FNBP4: variants seen among roughly 807,000 people sequenced by gnomAD.
FNBP4 encodes formin-binding protein 4.
In FNBP4, 34 loss-of-function variants were observed where a neutral mutation model predicts 119.3. The ratio of observed to expected loss-of-function variants is 0.28; its 90% confidence interval spans 0.22 to 0.38. FNBP4 has a LOEUF of 0.38. Among genes scored for constraint, FNBP4 ranks in the 10% least tolerant of loss-of-function variants. FNBP4 has a pLI of 1.00. For synonymous variants in FNBP4, 462 were observed against 430.6 expected (o/e 1.07, Z -0.90); for missense variants, 1,112 against 1,228.9 (o/e 0.90, Z 1.42).
chr11:47,751,174 G>A lies in FNBP4; in HGVS notation c.754C>T (p.Gln252Ter). 1 of 1,614,082 alleles carries A rather than the reference G, an allele frequency of 6.2e-7. No homozygotes were observed. The highest frequency in any genetic ancestry group is 2.2e-5 in the East Asian group (1 of 44,888). ...TWELPQYLATQVQGLQHYQPS... is the reference protein window; with the variant it reads ...TWELPQYLAT The stretch of plus-strand genomic sequence containing the variant: ...TGGTAATGCTGTAATCCCTGTACCT[G>A]TGTGGCAAGATATTGGGGTAACTCC... The change falls in exon 5 of 17, where the codon CAG becomes TAG. Residue 252 changes from glutamine (Q) to a stop codon, truncating the protein, a stop_gained. Transcript: ENST00000263773. LOFTEE classifies it high-confidence loss of function.
intron 6 of FNBP4, among the ~76,000 whole-genome samples, chr11:47,750,656 T>G (rs60833259): frequency 0.59 from 78,672 of 133,390 alleles, 22,961 homozygotes; most frequent in Admixed American, 0.68. Context: ...ACCACTGTAC[T>G]CCAGCCTGGG....
intron 6 of FNBP4, among the ~76,000 whole-genome samples, chr11:47,748,658 AT>A (rs1034721421): frequency 8.5e-4 from 128 of 150,836 alleles, no homozygotes; most frequent in African/African-American, 3.1e-3. Flanking sequence ...TTATTATTAA[AT>A]TTTTTTTTGA....
intron 16 of FNBP4, among the ~76,000 whole-genome samples, chr11:47,719,045 C>T (rs1035090306): frequency 7.2e-5 from 11 of 152,122 alleles, no homozygotes; most frequent in African/African-American, 2.7e-4. Context: ...CATTCGCCAC[C>T]AGGCCCAGCT....
At chr11:47,763,191 T>G (rs1373612228) in intron 2 of FNBP4, among the ~76,000 whole-genome samples, 1 of 152,014 alleles carries the variant, frequency 6.6e-6, no homozygotes, top group Non-Finnish European at 1.5e-5. Context: ...AGGCTGGGCG[T>G]GGTGGCTCAG....
At chr11:47,759,896 T>C (rs1006582630) in intron 2 of FNBP4, among the ~76,000 whole-genome samples, 98 of 152,272 alleles carry the variant, frequency 6.4e-4, no homozygotes, top group African/African-American at 2.2e-3. Context: ...GTGGTTACAG[T>C]GAGCCGAGGC....
intron 4 of FNBP4, among the ~76,000 whole-genome samples, chr11:47,751,505 C>T (rs1313445872): frequency 6.6e-6 from 1 of 151,970 alleles, no homozygotes; most frequent in Non-Finnish European, 1.5e-5. Flanking sequence ...TCCACCCTGC[C>T]TCCTACATTG....
intron 15 of FNBP4, among the ~76,000 whole-genome samples, chr11:47,721,732 C>T: frequency 6.6e-6 from 1 of 151,824 alleles, no homozygotes; most frequent in Non-Finnish European, 1.5e-5. Context: ...TGCCCCTTTT[C>T]TTGAGACTCC....
intron 15 of FNBP4, among the ~76,000 whole-genome samples, chr11:47,722,252 TC>T (rs200705660): frequency 6.0e-4 from 3 of 5,020 alleles, no homozygotes; most frequent in Non-Finnish European, 1.4e-3. Flanking sequence ...TCCCCGTTTT[TC>T]TTTTTTTTTT....
chr11:47,746,441 C>G (rs776273341), intron 6 of FNBP4, 47 bp from the exon 7 acceptor site: 48 of 1,428,666 alleles, frequency 3.4e-5, no homozygotes, highest in Admixed American at 2.1e-4. Flanking sequence ...TGAAACAAAT[C>G]TCACCTGCAC....
chr11:47,752,979 T>C lies in FNBP4; in HGVS notation c.574A>G (p.Asn192Asp), dbSNP rs560206264. Reference protein sequence around the residue: ...ATSTLSSSTSNGTDSTQTSGW... With the variant: ...ATSTLSSSTSDGTDSTQTSGW... Reference sequence around the variant, plus strand: ...GATGTTTGGGTGGAGTCTGTTCCATTTGAAGTAGAAGAAGAAAGGGTAGAT... The same window carrying C: ...GATGTTTGGGTGGAGTCTGTTCCATCTGAAGTAGAAGAAGAAAGGGTAGAT... The change falls in exon 4 of 17, where the codon AAT (asparagine) becomes GAT (aspartate). Residue 192 changes from asparagine to aspartate, a missense_variant. Around this residue, in one of 2 missense-constraint regions of FNBP4, gnomAD observed 826 missense variants for 988.8 expected, o/e 0.84. Transcript: ENST00000263773. The C allele has an allele frequency of 6.2e-6, 10 of 1,614,122 alleles. No homozygotes were observed. In the South Asian group the frequency reaches 7.7e-5, roughly 12 times the overall value.
Position 47,754,616 on chromosome 11 carries a change from T to C in FNBP4, c.362A>G (p.Asn121Ser), listed in dbSNP as rs745468284. The C allele has an allele frequency of 1.2e-6, 2 of 1,614,098 alleles. No individual in the cohort carries two copies. The highest frequency in any genetic ancestry group is 1.6e-4 in the Middle Eastern group (1 of 6,062). ...GAYADSDDDD[N>S]DVSEKLAQSK... ...TTGTGCTAGTTTTTCGGAAACATCATTGTCATCGTCATCACTGTCAGCATA... is the reference window on the plus strand; with the variant it reads ...TTGTGCTAGTTTTTCGGAAACATCACTGTCATCGTCATCACTGTCAGCATA... The change falls in exon 3 of 17, where the codon AAT (asparagine) becomes AGT (serine). Residue 121 changes from asparagine to serine, a missense_variant. This residue lies in a region of FNBP4 where 286 missense variants were observed against 240.1 expected (regional missense o/e 1.19). Transcript: ENST00000263773.
At chr11:47,739,527 G>A (rs2097578801) in intron 8 of FNBP4, among the ~76,000 whole-genome samples, 1 of 152,048 alleles carries the variant, frequency 6.6e-6, no homozygotes, top group Non-Finnish European at 1.5e-5. Flanking sequence ...ATACCACTAG[G>A]AATCTTTACT....
chr11:47,767,305 A>G lies in FNBP4; in HGVS notation c.-17T>C. On this transcript the variant is annotated 5_prime_UTR_variant, in exon 1 of 17. Coordinates refer to ENST00000263773, the MANE Select transcript of FNBP4 (RefSeq NM_015308.5). ...CTTCCCCATCGCGAGCCCAAGCGCG[A>G]GCAGAGAGCGTCGGGCGGCCGAGAG... The G allele has an allele frequency of 1.3e-6, 2 of 1,482,590 alleles. No individual in the cohort carries two copies. Among genetic ancestry groups the G allele is most frequent in the Non-Finnish European group, 1.8e-6 (2 of 1,122,918 alleles). The allele number at this position is 1,482,590 out of a possible 1,614,324, so 91.8% of individuals were successfully genotyped here.
In FNBP4 at chr11:47,732,407, C is replaced by T. The variant is rs745363497; in HGVS notation, c.1820+130G>A. The T allele has an allele frequency of 3.1e-5, 47 of 1,520,740 alleles. No individual in the cohort carries two copies. The highest frequency in any genetic ancestry group is 4.0e-5 in the Non-Finnish European group (45 of 1,136,206). 94.2% of individuals were successfully genotyped at this position (1,520,740 alleles called of 1,614,324 possible). ...CAAACTTTGTGCTTGCGGTGCTTTGCCTGCCCAGCACCGCTAACTGCAGCT... is the reference window on the plus strand; with the variant it reads ...CAAACTTTGTGCTTGCGGTGCTTTGTCTGCCCAGCACCGCTAACTGCAGCT... On this transcript the variant is annotated intron_variant, in intron 11 of 16. Transcript: ENST00000263773. The surrounding 1 kb of genome is among the most constrained non-coding windows in gnomAD (Gnocchi z 4.2).
chr11:47,756,028 C>G (rs1187414698), intron 2 of FNBP4, among the ~76,000 whole-genome samples: 1 of 152,122 alleles, frequency 6.6e-6, no homozygotes, highest in Admixed American at 6.6e-5. Flanking sequence ...AAAAACGAAG[C>G]TTTTAATCAA....
intron 8 of FNBP4, among the ~76,000 whole-genome samples, chr11:47,739,942 C>A (rs2135157713): frequency 7.9e-6 from 1 of 127,078 alleles, no homozygotes; most frequent in Non-Finnish European, 1.7e-5. Flanking sequence ...CCACGCCCGG[C>A]TAGTTTTATG....
At chr11:47,758,420 C>G (rs1327408248) in intron 2 of FNBP4, among the ~76,000 whole-genome samples, 1 of 152,094 alleles carries the variant, frequency 6.6e-6, no homozygotes, top group Admixed American at 6.6e-5. Flanking sequence ...TCAGTTTGGT[C>G]TTGAATTCCT....
At chr11:47,728,727 C>T (rs1249851896) in intron 12 of FNBP4, among the ~76,000 whole-genome samples, 1 of 151,346 alleles carries the variant, frequency 6.6e-6, no homozygotes, top group Admixed American at 6.6e-5. Flanking sequence ...TGGGGTCTTG[C>T]CATATTGCCC....
intron 10 of FNBP4, 33 bp downstream of exon 10, chr11:47,733,992 G>A: frequency 1.8e-6 from 2 of 1,104,060 alleles, no homozygotes; most frequent in Non-Finnish European, 1.2e-6. Context: ...ACACTTAACT[G>A]TTTATGCCAA....
Sources: allele counts gnomAD v4.1 joint callset (sites outside exome capture counted in the v4.1 genomes callset), GRCh38; gene constraint gnomAD v4.1.1; regional missense constraint gnomAD v4.1.1; non-coding constraint Gnocchi (gnomAD v3.1); transcripts MANE v1.5; gene names NCBI Gene and HGNC (gene_info 2026-07-23, HGNC 2026-07-21).